The following PEAK1 variants were observed in gnomAD, a reference collection of about 807,000 sequenced individuals.
The protein encoded by PEAK1 is inactive tyrosine-protein kinase PEAK1.
A neutral mutation model predicts 124.7 loss-of-function variants in PEAK1; 54 were observed. That is an observed-to-expected ratio of 0.43 (90% CI 0.35 to 0.54). The LOEUF (loss-of-function observed/expected upper bound fraction) is 0.54, where lower values mean the gene tolerates loss of function less well. Ranked by LOEUF, PEAK1 falls within the 20% of genes least tolerant of loss-of-function variation. The probability of loss-of-function intolerance (pLI) is 0.01; values close to 1 mark genes in which losing one functional copy is unlikely to be tolerated. For synonymous variants in PEAK1, 719 were observed against 760.0 expected (o/e 0.95, Z 0.89); for missense variants, 2,046 against 2,134.5 (o/e 0.96, Z 0.82).
chr15:77,412,608 G>A (rs529045055), intron 1 of PEAK1, among the ~76,000 whole-genome samples: 12 of 152,168 alleles, frequency 7.9e-5, no homozygotes, highest in South Asian at 4.2e-4. Flanking sequence ...ACATGGATAC[G>A]TGGATTAGTA....
At chr15:77,394,030 A>G (rs1467395857) in intron 1 of PEAK1, among the ~76,000 whole-genome samples, 1 of 152,200 alleles carries the variant, frequency 6.6e-6, no homozygotes, top group Non-Finnish European at 1.5e-5. Context: ...CCATGGGGAC[A>G]GAATTCTCTG....
At position 77,284,019 on chromosome 15, in the gene PEAK1, T is replaced by C; in HGVS notation, c.-411A>G. 1.0e-6 allele frequency: 1 copy of C among 985,292 alleles called. No homozygotes were observed. 61.0% of individuals were successfully genotyped at this position (985,292 alleles called of 1,614,324 possible). ...CAAAATGGTACTTCATTGAAGGATG[T>C]AATTAGTCTCACTAAAGCAAGAAAA... is the stretch of plus-strand genomic sequence containing the variant. On this transcript the variant is annotated 5_prime_UTR_variant, in exon 5 of 10. Transcript: ENST00000682557.
At chr15:77,376,289 T>G (rs1252250432) in intron 1 of PEAK1, among the ~76,000 whole-genome samples, 2 of 151,836 alleles carry the variant, frequency 1.3e-5, no homozygotes, top group Non-Finnish European at 2.9e-5. Context: ...TAAGTGAAAA[T>G]GGGGAAAACA....
At chr15:77,148,855 G>T (rs760394804) in intron 8 of PEAK1, among the ~76,000 whole-genome samples, 20 of 152,178 alleles carry the variant, frequency 1.3e-4, no homozygotes, top group Admixed American at 2.6e-4. Context: ...CCAGGAGTTT[G>T]AGGCTGCAGT....
Position 77,304,452 on chromosome 15 carries a change from T to C in PEAK1, c.-602-17948A>G, listed in dbSNP as rs545913500. Among the ~76,000 whole-genome samples the C allele has an allele frequency of 3.5e-5, 5 of 144,156 alleles. No homozygotes were observed. In the East Asian group the frequency reaches 6.0e-4, roughly 17 times the overall value. 94.6% of individuals were successfully genotyped at this position (144,156 alleles called of 152,430 possible). ...CTAGCTCCTGTATACATTTTTTTTTTTTTTTTTTTTTTTTGAGACGGAGTC... is the reference window on the plus strand; with the variant it reads ...CTAGCTCCTGTATACATTTTTTTTTCTTTTTTTTTTTTTTGAGACGGAGTC... On this transcript the variant is annotated intron_variant, in intron 2 of 9. Transcript: ENST00000682557.
rs1567074450 is a variant in PEAK1, at chr15:77,179,726, A to G, written c.2201T>C (p.Ile734Thr). 1 of 1,612,948 alleles carries G rather than the reference A, an allele frequency of 6.2e-7. No homozygotes were observed. Among genetic ancestry groups the G allele is most frequent in the South Asian group, 1.1e-5 (1 of 90,968 alleles). ...YSSSHSSPAK[I>T]QRATQEPVAK... ...CACAGGCTCTTGAGTGGCTCTCTGG[A>G]TCTTTGCTGGGGAGCTGTGGCTGGA... Residue 734 changes from isoleucine to threonine, a missense_variant, in exon 7 of 10, where the codon ATC becomes ACC. By Grantham distance (89) the Ile-to-Thr change is moderately conservative. Coordinates refer to ENST00000682557, the MANE Select transcript of PEAK1 (RefSeq NM_001385026.1).
At chr15:77,245,616 T>C (rs920471255) in intron 6 of PEAK1, among the ~76,000 whole-genome samples, 24 of 151,808 alleles carry the variant, frequency 1.6e-4, no homozygotes, top group African/African-American at 5.6e-4. Context: ...AGAGAATCAC[T>C]TGAACCCAGG....
chr15:77,139,239 G>T (rs1306576935), intron 8 of PEAK1, among the ~76,000 whole-genome samples: 6 of 152,160 alleles, frequency 3.9e-5, no homozygotes, highest in Admixed American at 3.9e-4. Context: ...AACACACATG[G>T]AGCTGTCATC....
In PEAK1 at chr15:77,179,371, G is replaced by C. The variant is rs370262220; in HGVS notation, c.2556C>G (p.Thr852=). The C allele has an allele frequency of 1.9e-6, 3 of 1,614,016 alleles. No individual in the cohort carries two copies. The highest frequency in any genetic ancestry group is 1.7e-6 in the Non-Finnish European group (2 of 1,180,004). ...VQKDPSIKPV[T]PSPSKLVTSP... is the part of the protein sequence containing the mutation. ...TAGTCACTAATTTGGAGGGAGAGGG[G>C]GTGACTGGCTTTATGGATGGGTCTT... is the stretch of plus-strand genomic sequence containing the variant. The change falls in exon 7 of 10, where the codon ACC becomes ACG. Residue 852 remains threonine (T), a synonymous_variant. Transcript: ENST00000682557.
chr15:77,371,717 G>A (rs1353736623), intron 1 of PEAK1, among the ~76,000 whole-genome samples: 2 of 152,132 alleles, frequency 1.3e-5, no homozygotes, highest in East Asian at 1.9e-4. Context: ...GTGAAATGCC[G>A]TCTCTACTAA....
intron 2 of PEAK1, among the ~76,000 whole-genome samples, chr15:77,328,250 A>G (rs558315364): frequency 6.6e-6 from 1 of 152,362 alleles, no homozygotes; most frequent in East Asian, 1.9e-4. Context: ...GACAAGGTAT[A>G]CAAAGCTTCT....
intron 2 of PEAK1, chr15:77,336,524 G>A (rs1244569875): frequency 1.0e-6 from 1 of 985,282 alleles, no homozygotes; most frequent in East Asian, 1.1e-4. Context: ...CTTGTTGCTT[G>A]TTGCCCACAT....
At chr15:77,260,857 C>G (rs2061403772) in intron 5 of PEAK1, among the ~76,000 whole-genome samples, 1 of 152,198 alleles carries the variant, frequency 6.6e-6, no homozygotes, top group East Asian at 1.9e-4. Context: ...AGTAGCCTAA[C>G]TGGGAGGCAC....
chr15:77,164,847 C>T (rs959740183), intron 7 of PEAK1, among the ~76,000 whole-genome samples: 28 of 151,958 alleles, frequency 1.8e-4, no homozygotes, highest in African/African-American at 6.8e-4. Flanking sequence ...TAGAAGAAAA[C>T]ACCCATAGCC....
At position 77,114,306 on chromosome 15, in the gene PEAK1, G is replaced by A; in HGVS notation, c.5091C>T (p.Ile1697=). The change falls in exon 10 of 10, where the codon ATC becomes ATT. Residue 1697 remains isoleucine (I), a synonymous_variant. Coordinates refer to ENST00000682557, the MANE Select transcript of PEAK1 (RefSeq NM_001385026.1). ...RNTLLQNWLD[I]KRTLLMIKFA... Reference sequence around the variant, plus strand: ...ACTTGATCATGAGCAGTGTTCGCTTGATGTCTAGCCAGTTTTGGAGCAGGG... The same window carrying A: ...ACTTGATCATGAGCAGTGTTCGCTTAATGTCTAGCCAGTTTTGGAGCAGGG... 1 of 1,614,242 alleles carries A rather than the reference G, an allele frequency of 6.2e-7. No individual in the cohort carries two copies. The highest frequency in any genetic ancestry group is 1.1e-5 in the South Asian group (1 of 91,078).
At chr15:77,328,985 A>T (rs1289761292) in intron 2 of PEAK1, among the ~76,000 whole-genome samples, 5 of 152,202 alleles carry the variant, frequency 3.3e-5, no homozygotes, top group Non-Finnish European at 7.4e-5. Context: ...AGGTATAGAA[A>T]GCTTTAGATT....
intron 2 of PEAK1, chr15:77,350,827 T>C (rs764745883): frequency 4.1e-6 from 4 of 980,286 alleles, no homozygotes; most frequent in Non-Finnish European, 4.8e-6. Context: ...TAATTTGTAA[T>C]TGGCTGTTAA....
At chr15:77,399,965 T>C (rs1216904791) in intron 1 of PEAK1, among the ~76,000 whole-genome samples, 1 of 152,092 alleles carries the variant, frequency 6.6e-6, no homozygotes, top group Non-Finnish European at 1.5e-5. Context: ...AACAACTCTA[T>C]AGGAAAAAAT....
At chr15:77,125,792 G>A (rs2052325887) in intron 9 of PEAK1, among the ~76,000 whole-genome samples, 1 of 152,194 alleles carries the variant, frequency 6.6e-6, no homozygotes, top group Non-Finnish European at 1.5e-5. Flanking sequence ...AGGCCTTACT[G>A]CCAGTCATTC....
Sources: allele counts gnomAD v4.1 joint callset (sites outside exome capture counted in the v4.1 genomes callset), GRCh38; gene constraint gnomAD v4.1.1; transcripts MANE v1.5; gene names NCBI Gene and HGNC (gene_info 2026-07-23, HGNC 2026-07-21).